The following GUCY1A1 variants were observed in gnomAD, a reference collection of about 807,000 sequenced individuals.
GUCY1A1 encodes guanylate cyclase 1 soluble subunit alpha 1.
GUCY1A1 carries 48 observed loss-of-function variants against 64.5 expected under a neutral mutation model. That is an observed-to-expected ratio of 0.74 (90% CI 0.59 to 0.95). GUCY1A1 has a LOEUF of 0.95. GUCY1A1 is among the 40% of genes least tolerant of loss of function. The probability of loss-of-function intolerance (pLI) is 0.00; values close to 1 mark genes in which losing one functional copy is unlikely to be tolerated. For missense variants in GUCY1A1, 804 were observed against 825.3 expected, an observed-to-expected ratio of 0.97 and a Z score of 0.32; for synonymous variants, 308 against 303.4, an observed-to-expected ratio of 1.02 and a Z score of -0.16.
intron 2 of GUCY1A1, among the ~76,000 whole-genome samples, chr4:155,689,100 C>G (rs548577343): frequency 6.7e-6 from 1 of 149,928 alleles, no homozygotes; most frequent in Non-Finnish European, 1.5e-5. Flanking sequence ...ATTTCCCTAG[C>G]GATAGATGTG....
At chr4:155,716,011 G>T (rs2126895257) in intron 7 of GUCY1A1, among the ~76,000 whole-genome samples, 1 of 152,196 alleles carries the variant, frequency 6.6e-6, no homozygotes, top group East Asian at 1.9e-4. Context: ...GTTTTAGCAG[G>T]GACTGAAGGA....
At chr4:155,715,161 A>G (rs1242129938) in intron 7 of GUCY1A1, among the ~76,000 whole-genome samples, 1 of 142,364 alleles carries the variant, frequency 7.0e-6, no homozygotes, top group African/African-American at 2.7e-5. Flanking sequence ...CTTCTATGCC[A>G]GCCCTCATTT....
intron 7 of GUCY1A1, among the ~76,000 whole-genome samples, chr4:155,715,946 G>T (rs1255710406): frequency 6.6e-6 from 1 of 152,178 alleles, no homozygotes; most frequent in Non-Finnish European, 1.5e-5. Flanking sequence ...AGTGGGTAAG[G>T]GGTGATTGCT....
intron 3 of GUCY1A1, among the ~76,000 whole-genome samples, chr4:155,700,553 T>A (rs1730950547): frequency 6.6e-6 from 1 of 152,202 alleles, no homozygotes; most frequent in South Asian, 2.1e-4. Flanking sequence ...ATATGGTATA[T>A]TTGTGGCAAA....
intron 2 of GUCY1A1, among the ~76,000 whole-genome samples, chr4:155,688,875 CA>C (rs1220562792): frequency 1.3e-5 from 2 of 151,834 alleles, no homozygotes; most frequent in African/African-American, 4.8e-5. Context: ...TGCACCTCAG[CA>C]ATTGTAGGCC....
Position 155,722,949 on chromosome 4 carries a change from T to A in GUCY1A1, c.1871+757T>A, listed in dbSNP as rs538733306. Among the ~76,000 whole-genome samples, 3 of 152,254 alleles carry A rather than the reference T, an allele frequency of 2.0e-5. No homozygotes were observed. The East Asian group carries it at 5.8e-4, about 30-fold the overall frequency. ...TCTTATTGTTTTCATTATGTAGGCA[T>A]GATTCGTTGAATCATTGGCCATGTG... On this transcript the variant is annotated intron_variant, in intron 9 of 9. Transcript: ENST00000506455.
chr4:155,719,900 C>T (rs1052719618), intron 8 of GUCY1A1, among the ~76,000 whole-genome samples: 22 of 152,238 alleles, frequency 1.4e-4, no homozygotes, highest in South Asian at 1.2e-3. Flanking sequence ...TTCCCGGGAG[C>T]CAGAATTCTG....
intron 8 of GUCY1A1, among the ~76,000 whole-genome samples, chr4:155,718,941 A>AT (rs1237684332): frequency 2.0e-5 from 3 of 152,118 alleles, no homozygotes; most frequent in Non-Finnish European, 4.4e-5. Flanking sequence ...CGATAATTGC[A>AT]TTTTTTTAGA....
intron 2 of GUCY1A1, among the ~76,000 whole-genome samples, chr4:155,685,108 C>T (rs753934365): frequency 7.2e-5 from 11 of 152,164 alleles, no homozygotes; most frequent in Non-Finnish European, 1.3e-4. Flanking sequence ...CTGCCACTCA[C>T]CAGCTATGGC....
intron 2 of GUCY1A1, among the ~76,000 whole-genome samples, chr4:155,668,380 A>ATGC (rs1342619504): frequency 2.0e-5 from 3 of 152,222 alleles, no homozygotes; most frequent in African/African-American, 4.8e-5. Context: ...TTTGGAACCT[A>ATGC]TGGAAACAGT....
At chr4:155,690,859 C>T (rs1328722990) in intron 2 of GUCY1A1, among the ~76,000 whole-genome samples, 1 of 152,196 alleles carries the variant, frequency 6.6e-6, no homozygotes, top group Non-Finnish European at 1.5e-5. Flanking sequence ...TTACACATCA[C>T]TCTGACCTTG....
chr4:155,679,205 A>G (rs1579006415), intron 2 of GUCY1A1, among the ~76,000 whole-genome samples: 1 of 151,456 alleles, frequency 6.6e-6, no homozygotes, highest in East Asian at 1.9e-4. Context: ...TTCAAATTTA[A>G]GCATCTTTGC....
intron 9 of GUCY1A1, among the ~76,000 whole-genome samples, chr4:155,729,824 C>T (rs1400376423): frequency 6.6e-6 from 1 of 151,762 alleles, no homozygotes; most frequent in African/African-American, 2.4e-5. Flanking sequence ...AAGTGAAATA[C>T]ATTAATTGAC....
chr4:155,711,331 G>T, intron 6 of GUCY1A1, 80 bp downstream of exon 6: 1 of 696,520 alleles, frequency 1.4e-6, no homozygotes, highest in South Asian at 1.9e-5. Context: ...AAAAATATAT[G>T]CATCACTTCA....
chr4:155,668,790 T>C (rs1441195613), intron 2 of GUCY1A1, among the ~76,000 whole-genome samples: 3 of 152,192 alleles, frequency 2.0e-5, no homozygotes, highest in Non-Finnish European at 4.4e-5. Context: ...ACTTAATTGG[T>C]CTGAAAGTTA....
At chr4:155,716,174 GAT>G (rs1733207560) in intron 7 of GUCY1A1, among the ~76,000 whole-genome samples, 1 of 152,298 alleles carries the variant, frequency 6.6e-6, no homozygotes, top group East Asian at 1.9e-4. Context: ...TAAAGTCAGA[GAT>G]TAGGAGAAAG....
chr4:155,682,649 G>A (rs940948307), intron 2 of GUCY1A1, among the ~76,000 whole-genome samples: 4 of 150,580 alleles, frequency 2.7e-5, no homozygotes, highest in African/African-American at 9.8e-5. Flanking sequence ...TCCAGCCTGG[G>A]CAATAGAGTG....
intron 5 of GUCY1A1, 115 bp from the exon 6 acceptor site, chr4:155,710,427 G>A (rs1579085154): frequency 1.5e-6 from 1 of 648,556 alleles, no homozygotes; most frequent in East Asian, 2.6e-5. Flanking sequence ...AATGTTATTA[G>A]CAGATATAAA....
At chr4:155,683,181 C>T (rs774888158) in intron 2 of GUCY1A1, among the ~76,000 whole-genome samples, 6 of 151,884 alleles carry the variant, frequency 4.0e-5, no homozygotes, top group African/African-American at 1.5e-4. Flanking sequence ...TGCATAAACT[C>T]TATGTATAGT....
Sources: allele counts gnomAD v4.1 joint callset (sites outside exome capture counted in the v4.1 genomes callset), GRCh38; gene constraint gnomAD v4.1.1; transcripts MANE v1.5; gene names NCBI Gene and HGNC (gene_info 2026-07-23, HGNC 2026-07-21).